Variants in ELMO1 observed in about 807,000 individuals in gnomAD.
The protein encoded by ELMO1 is engulfment and cell motility 1.
Under a neutral mutation model 98.9 loss-of-function variants are expected in ELMO1, and 26 were observed. The observed-to-expected ratio is 0.26, with a 90% CI of 0.19 to 0.36. The LOEUF is 0.36. ELMO1 is among the 10% of genes least tolerant of loss of function. ELMO1 has a pLI of 1.00. For missense variants in ELMO1, 627 were observed against 935.2 expected (o/e 0.67, Z 4.30); for synonymous variants, 346 against 346.0 (o/e 1.00, Z 0.00).
intron 14 of ELMO1, among the ~76,000 whole-genome samples, chr7:37,121,790 T>C (rs1389596193): frequency 6.6e-6 from 1 of 152,018 alleles, no homozygotes; most frequent in Non-Finnish European, 1.5e-5. Context: ...ACAAAGATAC[T>C]CCTCGAGAAG....
chr7:36,861,586 T>C (rs1802630759), intron 21 of ELMO1, 73 bp downstream of exon 21: 3 of 1,526,430 alleles, frequency 2.0e-6, no homozygotes, highest in East Asian at 2.3e-5. Flanking sequence ...TTTTCTTAAG[T>C]AAAATTTCTT....
intron 13 of ELMO1, among the ~76,000 whole-genome samples, chr7:37,188,452 GCAAACACACACACACAC>G (rs1563065406): frequency 1.0e-3 from 5 of 4,778 alleles, no homozygotes; most frequent in East Asian, 0.01. Context: ...ACACACACAC[GCAAACACACACACACAC>G]AGGCCACTGG....
rs1024896368 is a variant in ELMO1 at position 36,964,868 on chromosome 7, T to C, written c.1437+48431A>G. Among the ~76,000 whole-genome samples the C allele has an allele frequency of 2.0e-5, 3 of 152,144 alleles. No individual in the cohort carries two copies. The East Asian group carries it at 5.8e-4, about 29-fold the overall frequency. ...TCATAAGATGTTTAATAATAAACAA[T>C]TAAACCAAGGTTAAAAGCAAACTTA... On this transcript the variant is annotated intron_variant, in intron 16 of 21. Coordinates refer to ENST00000310758, the MANE Select transcript of ELMO1 (RefSeq NM_014800.11).
intron 1 of ELMO1, among the ~76,000 whole-genome samples, chr7:37,431,841 C>T (rs80311760): frequency 0.016 from 2,418 of 151,854 alleles, 66 homozygotes; most frequent in African/African-American, 0.056. Flanking sequence ...CTTATGGAGG[C>T]CAGGTGATCT....
chr7:37,250,793 A>T (rs79555342), intron 6 of ELMO1, among the ~76,000 whole-genome samples: 2 of 144,922 alleles, frequency 1.4e-5, no homozygotes, highest in Non-Finnish European at 3.0e-5. Flanking sequence ...CTCCGTCTCA[A>T]AAAAAAAAAA....
At chr7:37,023,303 C>T (rs1466917285) in intron 15 of ELMO1, among the ~76,000 whole-genome samples, 1 of 152,160 alleles carries the variant, frequency 6.6e-6, no homozygotes, top group Non-Finnish European at 1.5e-5. Flanking sequence ...AGAATATGAG[C>T]TTTCCAGGAG....
intron 13 of ELMO1, among the ~76,000 whole-genome samples, chr7:37,147,603 C>T (rs1788067037): frequency 6.6e-6 from 1 of 152,166 alleles, no homozygotes; most frequent in East Asian, 1.9e-4. Context: ...GAGGAGTCAA[C>T]TTCATGTGGC....
At chr7:37,430,193 A>G (rs1183906153) in intron 1 of ELMO1, among the ~76,000 whole-genome samples, 3 of 152,222 alleles carry the variant, frequency 2.0e-5, no homozygotes, top group Non-Finnish European at 4.4e-5. Flanking sequence ...CACCAGGAAC[A>G]TCATTTTCCA....
chr7:37,193,567 C>T (rs1360392439), intron 13 of ELMO1, among the ~76,000 whole-genome samples: 1 of 152,124 alleles, frequency 6.6e-6, no homozygotes, highest in Non-Finnish European at 1.5e-5. Context: ...AGCTTAGAGG[C>T]ACAGCCTCCT....
At chr7:37,147,890 T>C (rs1375417244) in intron 13 of ELMO1, among the ~76,000 whole-genome samples, 2 of 150,202 alleles carry the variant, frequency 1.3e-5, no homozygotes, top group African/African-American at 2.5e-5. Flanking sequence ...GTGTGTGAGG[T>C]GCAGTGATTA....
At chr7:37,133,014 A>G in intron 14 of ELMO1, 116 bp downstream of exon 14, 1 of 638,020 alleles carries the variant, frequency 1.6e-6, no homozygotes, top group Non-Finnish European at 2.4e-6. Context: ...TTAGTTTACT[A>G]AGAAAGACAG....
At chr7:36,985,299 T>C (rs1424757116) in intron 16 of ELMO1, among the ~76,000 whole-genome samples, 1 of 152,136 alleles carries the variant, frequency 6.6e-6, no homozygotes, top group Non-Finnish European at 1.5e-5. Flanking sequence ...TGCTAAAATC[T>C]TTCCAATTGC....
intron 1 of ELMO1, among the ~76,000 whole-genome samples, chr7:37,354,100 C>T (rs1026624745): frequency 2.0e-5 from 3 of 152,180 alleles, no homozygotes; most frequent in African/African-American, 7.2e-5. Context: ...TTACAGTGAC[C>T]TACCAGAGCA....
At chr7:37,228,628 A>C (rs1468339456) in intron 8 of ELMO1, among the ~76,000 whole-genome samples, 1 of 152,236 alleles carries the variant, frequency 6.6e-6, no homozygotes, top group Non-Finnish European at 1.5e-5. Flanking sequence ...ATTACAGTGC[A>C]TGAATCAACG....
Position 37,136,835 on chromosome 7 carries a change from T to A in ELMO1, c.1087-3601A>T, listed in dbSNP as rs149817338. ...TAAATCTCACAATACATACATGTTG[T>A]GTATATAACAATAATACAATGAAGA... On this transcript the variant is annotated intron_variant, in intron 13 of 21. Transcript: ENST00000310758. 2.6e-3 allele frequency among the ~76,000 whole-genome samples: 400 copies of A among 152,014 alleles called. 2 individuals carry two copies. The highest frequency in any genetic ancestry group is 3.1e-3 in the Non-Finnish European group (212 of 67,944).
rs533668613 is a variant in ELMO1, at chr7:36,882,754, A to G, written c.1715-4637T>C. ...TATATGAGTAAAACACACATAAAGT[A>G]TGGATCCTACATCTTCCAGAATTGG... is the stretch of plus-strand genomic sequence containing the variant. On this transcript the variant is annotated intron_variant, in intron 18 of 21. Coordinates refer to ENST00000310758, the MANE Select transcript of ELMO1 (RefSeq NM_014800.11). 8.3e-4 allele frequency among the ~76,000 whole-genome samples: 126 copies of G among 152,364 alleles called. 1 individual carries two copies. The highest frequency in any genetic ancestry group is 3.0e-3 in the African/African-American group (124 of 41,590).
intron 16 of ELMO1, among the ~76,000 whole-genome samples, chr7:36,946,674 A>C (rs1787515816): frequency 6.6e-6 from 1 of 152,154 alleles, no homozygotes; most frequent in African/African-American, 2.4e-5. Context: ...TTTTCACTGA[A>C]AATAGTCATC....
At chr7:36,947,723 A>G (rs1787617289) in intron 16 of ELMO1, among the ~76,000 whole-genome samples, 1 of 152,032 alleles carries the variant, frequency 6.6e-6, no homozygotes, top group Admixed American at 6.5e-5. Context: ...GGCTCACCTC[A>G]CCTGCTGCAT....
At chr7:36,909,177 C>A (rs1198499988) in intron 16 of ELMO1, among the ~76,000 whole-genome samples, 1 of 152,114 alleles carries the variant, frequency 6.6e-6, no homozygotes, top group Non-Finnish European at 1.5e-5. Flanking sequence ...TGCTATTGCA[C>A]TAAGTTGGTA....
Sources: allele counts gnomAD v4.1 joint callset (sites outside exome capture counted in the v4.1 genomes callset), GRCh38; gene constraint gnomAD v4.1.1; transcripts MANE v1.5; gene names NCBI Gene and HGNC (gene_info 2026-07-23, HGNC 2026-07-21).